The following ZC3H12B variants were observed in gnomAD, a reference collection of about 807,000 sequenced individuals.
ZC3H12B encodes the protein probable ribonuclease ZC3H12B.
In ZC3H12B, 7 loss-of-function variants were observed where a neutral mutation model predicts 43.9. The observed-to-expected ratio is 0.16, with a 90% CI of 0.09 to 0.30. The LOEUF (loss-of-function observed/expected upper bound fraction) is 0.30. Ranked by LOEUF, ZC3H12B falls within the 10% of genes least tolerant of loss-of-function variation. The pLI is 1.00. For missense variants in ZC3H12B, 475 were observed against 670.2 expected (o/e 0.71, Z 3.22); for synonymous variants, 222 against 241.7 (o/e 0.92, Z 0.76).
At chrX:65,149,807 AAT>A in the ZC3H12B span, among the ~76,000 whole-genome samples, 1 of 97,898 alleles carries the variant, frequency 1.0e-5, no homozygotes, top group Admixed American at 1.1e-4. Context: ...TAATAATAAT[AAT>A]AATAATAAAT....
chrX:65,333,785 A>G, the ZC3H12B span, among the ~76,000 whole-genome samples: 8 of 112,246 alleles, frequency 7.1e-5, no homozygotes, highest in Non-Finnish European at 1.1e-4. Context: ...TTGTCTGTGT[A>G]TGACAAAAAG....
the ZC3H12B span, among the ~76,000 whole-genome samples, chrX:65,191,439 T>G: frequency 9.0e-5 from 9 of 100,241 alleles, no homozygotes; most frequent in Non-Finnish European, 1.6e-4. Flanking sequence ...TGGACTCTTT[T>G]TGGTTGGTAA....
the ZC3H12B span, among the ~76,000 whole-genome samples, chrX:65,303,490 T>A: frequency 8.9e-6 from 1 of 112,398 alleles, no homozygotes; most frequent in Non-Finnish European, 1.9e-5. Flanking sequence ...ACAAAATCCA[T>A]CATCCATTTT....
chrX:65,158,305 G>A, the ZC3H12B span, among the ~76,000 whole-genome samples: 2,120 of 111,441 alleles, frequency 0.019, 20 homozygotes, highest in Non-Finnish European at 0.031. Flanking sequence ...GAATGGCTGA[G>A]TCAAATGGTA....
At chrX:65,298,433 G>A in the ZC3H12B span, among the ~76,000 whole-genome samples, 2 of 112,326 alleles carry the variant, frequency 1.8e-5, no homozygotes, top group African/African-American at 6.5e-5. Context: ...GAATGCATAT[G>A]TTATACAACA....
At chrX:65,384,328 A>G (rs2066490012) in intron 2 of ZC3H12B, among the ~76,000 whole-genome samples, 1 of 109,964 alleles carries the variant, frequency 9.1e-6, no homozygotes, top group African/African-American at 3.3e-5. Flanking sequence ...ATAAGAACAC[A>G]TGGACACAGG....
chrX:65,350,077 T>C, the ZC3H12B span, among the ~76,000 whole-genome samples: 1 of 111,698 alleles, frequency 9.0e-6, no homozygotes, highest in Admixed American at 9.5e-5. Context: ...CAGGCCAATA[T>C]CCCTGATGAA....
At chrX:65,225,760 G>T in the ZC3H12B span, among the ~76,000 whole-genome samples, 176 of 112,185 alleles carry the variant, frequency 1.6e-3, 2 homozygotes, top group African/African-American at 5.6e-3. Context: ...TGATCAACTG[G>T]AAGAAAGGGT....
chrX:65,054,002 A>ATAT, the ZC3H12B span, among the ~76,000 whole-genome samples: 1 of 98,970 alleles, frequency 1.0e-5, no homozygotes, highest in Admixed American at 1.1e-4. Context: ...TAGATTCTGA[A>ATAT]TATTAGCCCT....
the ZC3H12B span, among the ~76,000 whole-genome samples, chrX:65,089,885 A>C: frequency 9.0e-6 from 1 of 111,456 alleles, no homozygotes; most frequent in Non-Finnish European, 1.9e-5. Context: ...ATCTTTTCCC[A>C]CTGGAAGGTC....
intron 2 of ZC3H12B, among the ~76,000 whole-genome samples, chrX:65,385,203 G>A (rs915784987): frequency 2.7e-5 from 3 of 112,218 alleles, no homozygotes; most frequent in Non-Finnish European, 1.9e-5. Flanking sequence ...TTGGTAGCAC[G>A]ATGGGGATGG....
the ZC3H12B span, among the ~76,000 whole-genome samples, chrX:65,253,734 G>A: frequency 8.9e-6 from 1 of 111,819 alleles, no homozygotes; most frequent in East Asian, 2.8e-4. Flanking sequence ...CCGCATCATA[G>A]CTTTGTGCTG....
chrX:65,247,595 G>A, the ZC3H12B span, among the ~76,000 whole-genome samples: 1 of 112,524 alleles, frequency 8.9e-6, no homozygotes, highest in Non-Finnish European at 1.9e-5. Flanking sequence ...CAGGAAAATG[G>A]ATGGATTTGG....
chrX:65,285,356 C>T, the ZC3H12B span, among the ~76,000 whole-genome samples: 1 of 110,449 alleles, frequency 9.1e-6, no homozygotes, highest in African/African-American at 3.3e-5. Flanking sequence ...GATACGGGAG[C>T]CTCAGGGAAC....
At chrX:65,321,264 GAC>G in the ZC3H12B span, among the ~76,000 whole-genome samples, 1 of 111,327 alleles carries the variant, frequency 9.0e-6, no homozygotes, top group Non-Finnish European at 1.9e-5. Flanking sequence ...AAGAAAGAAA[GAC>G]ACACATTCGG....
intron 3 of ZC3H12B, among the ~76,000 whole-genome samples, chrX:65,467,544 A>T (rs1000430786): frequency 5.4e-5 from 6 of 112,050 alleles, no homozygotes; most frequent in African/African-American, 1.9e-4. Flanking sequence ...TTTCAAAGAG[A>T]TTGTACTATT....
the ZC3H12B span, among the ~76,000 whole-genome samples, chrX:65,166,835 G>T: frequency 8.9e-6 from 1 of 111,959 alleles, no homozygotes; most frequent in African/African-American, 3.2e-5. Context: ...CTGCATAAAG[G>T]TCTTCTTTTG....
chrX:65,149,606 C>T, the ZC3H12B span, among the ~76,000 whole-genome samples: 1 of 107,390 alleles, frequency 9.3e-6, no homozygotes, highest in Non-Finnish European at 1.9e-5. Flanking sequence ...ACTAAAAATA[C>T]AAAAAAAATT....
chrX:65,266,491 T>A, the ZC3H12B span, among the ~76,000 whole-genome samples: 1 of 111,817 alleles, frequency 8.9e-6, no homozygotes, highest in Non-Finnish European at 1.9e-5. Context: ...AAGATAACCA[T>A]CAGAATCAAC....
Sources: allele counts gnomAD v4.1 joint callset (sites outside exome capture counted in the v4.1 genomes callset), GRCh38; gene constraint gnomAD v4.1.1; transcripts MANE v1.5; gene names NCBI Gene and HGNC (gene_info 2026-07-23, HGNC 2026-07-21).